NALF1: variants seen among roughly 807,000 people sequenced by gnomAD.
NALF1 encodes NALCN channel auxiliary factor 1.
A neutral mutation model predicts 48.4 loss-of-function variants in NALF1; 3 were observed. That is an observed-to-expected ratio of 0.06 (90% confidence interval 0.03 to 0.16). The LOEUF is 0.16. NALF1 is among the 10% of genes least tolerant of loss of function. The pLI, the probability that NALF1 is intolerant of heterozygous loss-of-function variation, is 1.00. For missense variants in NALF1, 526 were observed against 571.5 expected (o/e 0.92, Z 0.81); for synonymous variants, 262 against 245.7 (o/e 1.07, Z -0.62).
chr13:107,403,775 C>G (rs1357457153), intron 1 of NALF1, among the ~76,000 whole-genome samples: 1 of 151,518 alleles, frequency 6.6e-6, no homozygotes, highest in Admixed American at 6.6e-5. Context: ...AGTTACACAC[C>G]ATTTTAGCTT....
At chr13:107,432,085 G>A (rs1884392495) in intron 1 of NALF1, among the ~76,000 whole-genome samples, 1 of 152,172 alleles carries the variant, frequency 6.6e-6, no homozygotes, top group South Asian at 2.1e-4. Flanking sequence ...GAAATGTGGA[G>A]GTGTCATCTG....
chr13:107,632,165 G>A (rs1879852694), intron 1 of NALF1, among the ~76,000 whole-genome samples: 1 of 152,072 alleles, frequency 6.6e-6, no homozygotes, highest in South Asian at 2.1e-4. Flanking sequence ...TCTGTAATAG[G>A]ATATCAGCAT....
chr13:107,624,575 C>A (rs887915243), intron 1 of NALF1, among the ~76,000 whole-genome samples: 4 of 152,144 alleles, frequency 2.6e-5, no homozygotes, highest in African/African-American at 9.6e-5. Context: ...TAAAACGTAT[C>A]ATTTTAATAG....
At chr13:107,677,278 T>G (rs1376760049) in intron 1 of NALF1, among the ~76,000 whole-genome samples, 1 of 152,160 alleles carries the variant, frequency 6.6e-6, no homozygotes, top group Non-Finnish European at 1.5e-5. Context: ...ACTCCTTACC[T>G]CAAGTGATCT....
At chr13:107,764,516 T>C (rs1471831181) in intron 1 of NALF1, among the ~76,000 whole-genome samples, 1 of 152,076 alleles carries the variant, frequency 6.6e-6, no homozygotes, top group Non-Finnish European at 1.5e-5. Flanking sequence ...TCTGGTAAAG[T>C]ATTCTAATGA....
intron 1 of NALF1, among the ~76,000 whole-genome samples, chr13:107,567,060 A>C (rs527762181): frequency 6.6e-6 from 1 of 152,338 alleles, no homozygotes. Context: ...AACATAATGA[A>C]AGAAATGAAA....
chr13:107,411,159 G>C (rs935672112), intron 1 of NALF1, among the ~76,000 whole-genome samples: 4 of 152,156 alleles, frequency 2.6e-5, no homozygotes, highest in African/African-American at 9.7e-5. Flanking sequence ...CTGTTGGAAA[G>C]GAATGCAAAT....
intron 1 of NALF1, among the ~76,000 whole-genome samples, chr13:107,738,677 T>G (rs1005224994): frequency 6.6e-6 from 1 of 152,168 alleles, no homozygotes; most frequent in Non-Finnish European, 1.5e-5. Flanking sequence ...TTTCTTTATT[T>G]TATTTTTGAA....
At chr13:107,435,132 T>C (rs1404676951) in intron 1 of NALF1, among the ~76,000 whole-genome samples, 2 of 152,008 alleles carry the variant, frequency 1.3e-5, no homozygotes, top group Admixed American at 1.3e-4. Context: ...CATTTGTAAT[T>C]TGGCCTCTAT....
At position 107,726,913 on chromosome 13, in the gene NALF1, TTGTGTGTG is replaced by T. The variant is rs1171461096; in HGVS notation, c.915+138761_915+138768del. On this transcript the variant is annotated intron_variant, in intron 1 of 2. Transcript: ENST00000375915. ...GACACCACGCCCGGCCGGCAAATTC[TTGTGTGTG>T]TGTGTGTGTGTGTGTGTGTGTGTGT... Among the ~76,000 whole-genome samples, 355 of 126,456 alleles carry T rather than the reference TTGTGTGTG, an allele frequency of 2.8e-3. 4 individuals carry two copies. The highest frequency in any genetic ancestry group is 0.013 in the Middle Eastern group (3 of 240). 83.0% of individuals were successfully genotyped at this position (126,456 alleles called of 152,430 possible).
At chr13:107,415,603 G>A (rs1274634450) in intron 1 of NALF1, among the ~76,000 whole-genome samples, 2 of 151,912 alleles carry the variant, frequency 1.3e-5, no homozygotes, top group African/African-American at 4.8e-5. Context: ...ATGACTTTTC[G>A]CCCAGAATAA....
chr13:107,462,143 T>C (rs370269862), intron 1 of NALF1, among the ~76,000 whole-genome samples: 1 of 152,208 alleles, frequency 6.6e-6, no homozygotes, highest in South Asian at 2.1e-4. Flanking sequence ...TTCTGCCATT[T>C]TGTGTACTCC....
intron 1 of NALF1, among the ~76,000 whole-genome samples, chr13:107,710,820 T>C (rs1875563724): frequency 2.2e-5 from 1 of 45,290 alleles, no homozygotes. Flanking sequence ...TATGTGTATA[T>C]ATACACATAC....
At chr13:107,553,354 A>T (rs1252558635) in intron 1 of NALF1, among the ~76,000 whole-genome samples, 1 of 152,198 alleles carries the variant, frequency 6.6e-6, no homozygotes, top group Non-Finnish European at 1.5e-5. Flanking sequence ...ACTTATATAC[A>T]TGTTACCTGA....
At chr13:107,844,161 T>C (rs1175085197) in intron 1 of NALF1, among the ~76,000 whole-genome samples, 1 of 152,076 alleles carries the variant, frequency 6.6e-6, no homozygotes, top group African/African-American at 2.4e-5. Flanking sequence ...AACTTAACAT[T>C]CCCTTTCCTA....
chr13:107,222,993 G>A (rs4771560), intron 1 of NALF1, among the ~76,000 whole-genome samples: 126,229 of 152,142 alleles, frequency 0.83, 52,511 homozygotes, highest in East Asian at 0.93. Context: ...TTAATCTACA[G>A]ACTAAACTAA....
At chr13:107,611,976 A>C (rs1373787083) in intron 1 of NALF1, among the ~76,000 whole-genome samples, 1 of 144,062 alleles carries the variant, frequency 6.9e-6, no homozygotes, top group African/African-American at 2.6e-5. Context: ...AAGAAAGAAG[A>C]GAAGAGAAGA....
chr13:107,826,889 G>C (rs1326027396), intron 1 of NALF1, among the ~76,000 whole-genome samples: 1 of 152,216 alleles, frequency 6.6e-6, no homozygotes, highest in Non-Finnish European at 1.5e-5. Flanking sequence ...GATATGGAGT[G>C]AATTGTGCAC....
intron 1 of NALF1, among the ~76,000 whole-genome samples, chr13:107,420,407 T>C (rs919291637): frequency 1.3e-5 from 2 of 152,196 alleles, no homozygotes; most frequent in Non-Finnish European, 2.9e-5. Flanking sequence ...GTTAATTGTA[T>C]AAAGGAAAAA....
Sources: gnomAD v4.1 joint callset for allele counts (sites outside exome capture counted in the v4.1 genomes callset) on GRCh38, gnomAD v4.1.1 for gene constraint, MANE v1.5 for transcripts, NCBI Gene and HGNC (gene_info 2026-07-23, HGNC 2026-07-21) for gene names.